TCF12: variants seen among roughly 807,000 people sequenced by gnomAD.
The protein encoded by TCF12 is transcription factor 12.
A neutral mutation model predicts 86.0 loss-of-function variants in TCF12; 45 were observed. That is an observed-to-expected ratio of 0.52 (90% CI 0.41 to 0.67). The LOEUF is 0.67. TCF12 is among the 30% of genes least tolerant of loss of function. The pLI is 0.00. For synonymous variants in TCF12, 330 were observed against 299.6 expected (o/e 1.10, Z -1.05); for missense variants, 881 against 859.9 (o/e 1.02, Z -0.31).
chr15:57,164,346 T>G (rs1283385985), intron 5 of TCF12, among the ~76,000 whole-genome samples: 1 of 152,160 alleles, frequency 6.6e-6, no homozygotes, highest in Non-Finnish European at 1.5e-5. Flanking sequence ...GGAAAGAGGT[T>G]TAATTGACTC....
chr15:57,119,520 C>T (rs534652419), intron 5 of TCF12, among the ~76,000 whole-genome samples: 1 of 146,728 alleles, frequency 6.8e-6, no homozygotes, highest in South Asian at 2.3e-4. Flanking sequence ...TTTGAGACTC[C>T]GTAGTCAAGT....
chr15:56,923,920 T>A (rs922288509), intron 3 of TCF12, among the ~76,000 whole-genome samples: 9 of 152,122 alleles, frequency 5.9e-5, no homozygotes, highest in African/African-American at 2.2e-4. Flanking sequence ...GTATAGTTTC[T>A]TTTTGCCCAA....
intron 5 of TCF12, among the ~76,000 whole-genome samples, chr15:57,095,111 G>C (rs1037729761): frequency 1.3e-5 from 2 of 151,968 alleles, no homozygotes; most frequent in Admixed American, 1.3e-4. Context: ...TGGGAAAGAG[G>C]GCTTTTCTTA....
intron 5 of TCF12, among the ~76,000 whole-genome samples, chr15:57,151,739 C>T (rs1391266270): frequency 1.3e-5 from 2 of 150,822 alleles, no homozygotes; most frequent in African/African-American, 4.9e-5. Flanking sequence ...TGCCACTGCA[C>T]TCCACCCTGG....
Position 57,288,785 on chromosome 15 carries a change from GTAGT to G in TCF12, c.*2643_*2646del, listed in dbSNP as rs2152173880. 1 of 152,224 alleles carries G rather than the reference GTAGT, an allele frequency of 6.6e-6. No individual in the cohort carries two copies. Among genetic ancestry groups the G allele is most frequent in the Admixed American group, 6.5e-5 (1 of 15,290 alleles). The allele number at this position is 152,224 out of a possible 1,614,324, so 9.4% of individuals were successfully genotyped here. A position where few individuals can be genotyped will look rare whatever the true frequency, so the allele number is the denominator to read the frequency against. ...CTAAAGATTGACCAAACAGCAACTA[GTAGT>G]TATAGAAAATCTACTCATTTGTAGA... On this transcript the variant is annotated 3_prime_UTR_variant, in exon 21 of 21. Transcript: ENST00000333725.
chr15:56,967,905 C>G (rs1823148398), intron 3 of TCF12, among the ~76,000 whole-genome samples: 1 of 151,908 alleles, frequency 6.6e-6, no homozygotes, highest in Non-Finnish European at 1.5e-5. Context: ...TGTCTTTTAG[C>G]TAGATAAAAA....
At chr15:57,222,836 A>T (rs1313793899) in intron 8 of TCF12, among the ~76,000 whole-genome samples, 5 of 110,644 alleles carry the variant, frequency 4.5e-5, no homozygotes, top group African/African-American at 1.8e-4. Context: ...TTTTCTGACC[A>T]GTCTCCATTT....
At chr15:57,266,041 C>G (rs1198909772) in intron 18 of TCF12, among the ~76,000 whole-genome samples, 1 of 151,908 alleles carries the variant, frequency 6.6e-6, no homozygotes, top group African/African-American at 2.4e-5. Context: ...CAAATTATGG[C>G]CCATGGGCCT....
Position 57,273,219 on chromosome 15 carries a change from TC to T in TCF12, c.1936del (p.Gln646LysfsTer9), listed in dbSNP as rs2061226184. 6.2e-7 allele frequency: 1 copy of T among 1,614,034 alleles called. No individual in the cohort carries two copies. The highest frequency in any genetic ancestry group is 8.5e-7 in the Non-Finnish European group (1 of 1,180,026). ...CCCAAACAAAACTCCTTATTCTTCATCAAGCCGTGGCAGTCATCCTTAGTCT... is the reference window on the plus strand; with the variant it reads ...CCCAAACAAAACTCCTTATTCTTCATAAGCCGTGGCAGTCATCCTTAGTCT... ...KPQTKLLILHQAVAVILSLEQ... is the reference protein window; with the variant it reads ...KPQTKLLILHXAVAVILSLEQ... On this transcript the variant is annotated frameshift_variant, in exon 19 of 21. Transcript: ENST00000333725. LOFTEE classifies it high-confidence loss of function.
At chr15:57,004,252 A>G (rs1210405979) in intron 3 of TCF12, among the ~76,000 whole-genome samples, 1 of 142,876 alleles carries the variant, frequency 7.0e-6, no homozygotes, top group Admixed American at 7.0e-5. Context: ...TTTTTTTTTG[A>G]GATGGAGTTT....
intron 5 of TCF12, among the ~76,000 whole-genome samples, chr15:57,120,460 G>A (rs2051149952): frequency 6.6e-6 from 1 of 152,164 alleles, no homozygotes; most frequent in African/African-American, 2.4e-5. Context: ...CTTTTAAACT[G>A]TAGATAGATT....
At chr15:57,187,216 C>T (rs532307956) in intron 6 of TCF12, among the ~76,000 whole-genome samples, 1 of 151,342 alleles carries the variant, frequency 6.6e-6, no homozygotes, top group Non-Finnish European at 1.5e-5. Flanking sequence ...AACACTCTTT[C>T]ATGATGATAA....
intron 3 of TCF12, among the ~76,000 whole-genome samples, chr15:56,978,839 TAAGAAATTCTAAAGATAGAATTTCTGCAA>T (rs1320497546): frequency 6.6e-6 from 1 of 152,202 alleles, no homozygotes; most frequent in Non-Finnish European, 1.5e-5. Flanking sequence ...TTATTCTTCA[TAAGAAATTCTAAAGATAGAATTTCTGCAA>T]TGATGGGAAA....
chr15:57,243,567 T>G lies in TCF12; in HGVS notation c.1114+17T>G, dbSNP rs2059725825. ...CTCTCACAGGTAGGCTTCTGTTTTA[T>G]CTACTTCTAACTGGTGGGACTACTT... is the stretch of plus-strand genomic sequence containing the variant. On this transcript the variant is annotated intron_variant, in intron 13 of 20. Transcript: ENST00000333725. The G allele has an allele frequency of 1.3e-6, 2 of 1,599,090 alleles. No individual in the cohort carries two copies. The highest frequency in any genetic ancestry group is 1.3e-5 in the African/African-American group (1 of 74,604).
intron 8 of TCF12, among the ~76,000 whole-genome samples, chr15:57,226,239 TTAGC>T (rs1418241640): frequency 1.3e-5 from 2 of 151,400 alleles, no homozygotes; most frequent in Non-Finnish European, 2.9e-5. Context: ...TTTTAGGTAC[TTAGC>T]TAGATCTTGT....
chr15:57,266,216 T>A (rs576455510), intron 18 of TCF12, among the ~76,000 whole-genome samples: 1 of 152,100 alleles, frequency 6.6e-6, no homozygotes, highest in Non-Finnish European at 1.5e-5. Flanking sequence ...TAGCTGGGAT[T>A]ACAGGCAGAT....
intron 8 of TCF12, among the ~76,000 whole-genome samples, chr15:57,207,969 G>A (rs1241242812): frequency 6.6e-6 from 1 of 150,622 alleles, no homozygotes; most frequent in Non-Finnish European, 1.5e-5. Flanking sequence ...TATCGTGAAT[G>A]AAGAACTATT....
chr15:56,920,940 C>A (rs1402700759), intron 2 of TCF12, 86 bp from the exon 3 acceptor site: 3 of 1,011,460 alleles, frequency 3.0e-6, no homozygotes, highest in Non-Finnish European at 4.1e-6. Flanking sequence ...AATTTAATAA[C>A]TGATGGATGA....
intron 5 of TCF12, among the ~76,000 whole-genome samples, chr15:57,136,213 TA>T (rs1555514748): frequency 6.6e-6 from 1 of 152,198 alleles, no homozygotes; most frequent in Non-Finnish European, 1.5e-5. Flanking sequence ...TTCTAAACAC[TA>T]AAAATTGCTG....
Sources: allele counts gnomAD v4.1 joint callset (sites outside exome capture counted in the v4.1 genomes callset), GRCh38; gene constraint gnomAD v4.1.1; transcripts MANE v1.5; gene names NCBI Gene and HGNC (gene_info 2026-07-23, HGNC 2026-07-21).